Variants in CADPS2 observed in about 807,000 individuals in gnomAD.
The protein encoded by CADPS2 is calcium-dependent secretion activator 2.
Under a neutral mutation model 172.5 loss-of-function variants are expected in CADPS2, and 93 were observed. The ratio of observed to expected loss-of-function variants is 0.54; its 90% CI spans 0.46 to 0.64. CADPS2 has a LOEUF of 0.64. Ranked by LOEUF, CADPS2 falls within the 30% of genes least tolerant of loss-of-function variation. The pLI is 0.00. For synonymous variants in CADPS2, 546 were observed against 555.2 expected (o/e 0.98, Z 0.23); for missense variants, 1,420 against 1,565.9 (o/e 0.91, Z 1.57).
intron 1 of CADPS2, among the ~76,000 whole-genome samples, chr7:122,831,728 C>G (rs1326537732): frequency 6.6e-6 from 1 of 152,158 alleles, no homozygotes; most frequent in African/African-American, 2.4e-5. Flanking sequence ...TCCCTTTTTA[C>G]TCTGAGTGCT....
intron 20 of CADPS2, among the ~76,000 whole-genome samples, chr7:122,396,045 G>T (rs1045820544): frequency 1.3e-5 from 2 of 152,126 alleles, no homozygotes; most frequent in Non-Finnish European, 2.9e-5. Context: ...CCCGACCTCA[G>T]GTGATCCACC....
At chr7:122,471,974 G>A (rs1315057522) in intron 13 of CADPS2, among the ~76,000 whole-genome samples, 1 of 152,130 alleles carries the variant, frequency 6.6e-6, no homozygotes, top group East Asian at 1.9e-4. Flanking sequence ...AAAAGAAAAT[G>A]TCATTAAGTT....
intron 6 of CADPS2, among the ~76,000 whole-genome samples, chr7:122,589,015 G>A (rs1299601631): frequency 6.6e-6 from 1 of 151,990 alleles, no homozygotes; most frequent in African/African-American, 2.4e-5. Flanking sequence ...AGCATACAAT[G>A]TGTCTCTGCT....
At chr7:122,771,704 G>A (rs560751316) in intron 1 of CADPS2, among the ~76,000 whole-genome samples, 1 of 152,314 alleles carries the variant, frequency 6.6e-6, no homozygotes, top group Non-Finnish European at 1.5e-5. Context: ...AAGAGGGAAG[G>A]TGTGGTCACG....
At chr7:122,397,149 T>C (rs1445148329) in intron 20 of CADPS2, among the ~76,000 whole-genome samples, 2 of 152,136 alleles carry the variant, frequency 1.3e-5, no homozygotes, top group African/African-American at 4.8e-5. Context: ...TTTTAATGAA[T>C]GTGGCAAAGA....
intron 16 of CADPS2, 138 bp downstream of exon 16, chr7:122,441,374 A>G: frequency 2.0e-6 from 1 of 501,592 alleles, no homozygotes; most frequent in Non-Finnish European, 3.5e-6. Flanking sequence ...ATGTAGTAAG[A>G]AAAGGTGAGA....
At chr7:122,725,448 T>C (rs950675992) in intron 2 of CADPS2, among the ~76,000 whole-genome samples, 1 of 151,904 alleles carries the variant, frequency 6.6e-6, no homozygotes, top group African/African-American at 2.4e-5. Context: ...AGTTGTGTTA[T>C]ATCATGGATA....
chr7:122,603,839 A>C (rs1035963585), intron 6 of CADPS2, among the ~76,000 whole-genome samples: 1 of 152,172 alleles, frequency 6.6e-6, no homozygotes, highest in Non-Finnish European at 1.5e-5. Context: ...GAATCTAAAA[A>C]AGTTAAACTC....
At chr7:122,636,593 G>A (rs1349257270) in intron 3 of CADPS2, among the ~76,000 whole-genome samples, 5 of 150,338 alleles carry the variant, frequency 3.3e-5, no homozygotes, top group African/African-American at 1.2e-4. Context: ...AGCTTCCCAA[G>A]TAGCTGGGAT....
intron 29 of CADPS2, among the ~76,000 whole-genome samples, chr7:122,322,724 G>A (rs2032856848): frequency 6.6e-6 from 1 of 152,140 alleles, no homozygotes; most frequent in Non-Finnish European, 1.5e-5. Context: ...AATTTTTTGT[G>A]TAACCCTTTC....
intron 1 of CADPS2, among the ~76,000 whole-genome samples, chr7:122,791,685 TAGA>T (rs1795327144): frequency 6.6e-6 from 1 of 152,214 alleles, no homozygotes; most frequent in South Asian, 2.1e-4. Context: ...CAGCCTATCT[TAGA>T]AGTTTTTCAA....
chr7:122,350,633 T>C (rs2038404992), intron 27 of CADPS2, among the ~76,000 whole-genome samples: 1 of 152,152 alleles, frequency 6.6e-6, no homozygotes, highest in Non-Finnish European at 1.5e-5. Flanking sequence ...TTACAGAGCC[T>C]TCTAATTACA....
intron 2 of CADPS2, among the ~76,000 whole-genome samples, chr7:122,696,513 A>G (rs138531135): frequency 0.99 from 151,090 of 152,152 alleles, 75,023 homozygotes; most frequent in Middle Eastern, 1. Flanking sequence ...CCCCATGGTC[A>G]TGGAAGCAGT....
chr7:122,508,516 G>C (rs2059794527), intron 9 of CADPS2, among the ~76,000 whole-genome samples: 1 of 124,612 alleles, frequency 8.0e-6, no homozygotes, highest in African/African-American at 3.0e-5. Flanking sequence ...CCAGGCTAGA[G>C]TGCAGTGGTG....
At chr7:122,501,574 G>A (rs1178773087) in intron 9 of CADPS2, among the ~76,000 whole-genome samples, 1 of 151,958 alleles carries the variant, frequency 6.6e-6, no homozygotes, top group Non-Finnish European at 1.5e-5. Context: ...CCTTGGCCAG[G>A]CATGGTGGTA....
intron 2 of CADPS2, among the ~76,000 whole-genome samples, chr7:122,704,359 T>A (rs991956515): frequency 3.3e-5 from 5 of 152,060 alleles, no homozygotes; most frequent in Admixed American, 3.3e-4. Context: ...AGACTTTTTT[T>A]TTTTCATGTT....
chr7:122,791,802 G>A (rs1795346805), intron 1 of CADPS2, among the ~76,000 whole-genome samples: 1 of 152,084 alleles, frequency 6.6e-6, no homozygotes, highest in Admixed American at 6.6e-5. Context: ...AATAAAAAAG[G>A]TTGACTAAAT....
intron 14 of CADPS2, among the ~76,000 whole-genome samples, chr7:122,452,569 T>C (rs2053266065): frequency 6.6e-6 from 1 of 152,114 alleles, no homozygotes; most frequent in African/African-American, 2.4e-5. Context: ...CTAATTTTTG[T>C]ATTTTTAGTA....
chr7:122,547,295 T>C (rs1251425776), intron 8 of CADPS2, among the ~76,000 whole-genome samples: 67 of 152,230 alleles, frequency 4.4e-4, no homozygotes, highest in Non-Finnish European at 1.0e-4. Context: ...GGGGAAATAA[T>C]ATATTTCTTT....
Sources: allele counts gnomAD v4.1 joint callset (sites outside exome capture counted in the v4.1 genomes callset), GRCh38; gene constraint gnomAD v4.1.1; transcripts MANE v1.5; gene names NCBI Gene and HGNC (gene_info 2026-07-23, HGNC 2026-07-21).